TREH: variants seen among roughly 807,000 people sequenced by gnomAD.
TREH encodes the protein alpha,alpha-trehalose glucohydrolase.
Under a neutral mutation model 80.5 loss-of-function variants are expected in TREH, and 69 were observed. The ratio of observed to expected loss-of-function variants is 0.86; its 90% CI spans 0.71 to 1.05. The LOEUF (loss-of-function observed/expected upper bound fraction) is 1.05, where lower values mean the gene tolerates loss of function less well. Ranked by LOEUF, TREH falls within the 50% of genes least tolerant of loss-of-function variation. The pLI is 0.00. For synonymous variants in TREH, 309 were observed against 293.5 expected (o/e 1.05, Z -0.54); for missense variants, 716 against 718.8 (o/e 1.00, Z 0.04).
Position 118,661,866 on chromosome 11 carries a change from G to C in TREH, c.524+24C>G. On this transcript the variant is annotated intron_variant, in intron 5 of 14. Transcript: ENST00000264029. The surrounding 1 kb of genome is among the most constrained non-coding windows in gnomAD (Gnocchi z 4.2). ...CCACTGCCAGTCCTGCAGGCCCCTT[G>C]GTCTCTTGGGCCTGGGCGCTCACCA... The C allele has an allele frequency of 6.4e-7, 1 of 1,563,622 alleles. No homozygotes were observed. Among genetic ancestry groups the C allele is most frequent in the African/African-American group, 1.4e-5 (1 of 73,640 alleles).
intron 4 of TREH, among the ~76,000 whole-genome samples, chr11:118,662,318 C>A (rs1350737804): frequency 6.6e-6 from 1 of 152,206 alleles, no homozygotes; most frequent in Non-Finnish European, 1.5e-5. Context: ...GAGGGGGGTG[C>A]CAGCCCCCCA....
intron 1 of TREH, among the ~76,000 whole-genome samples, 153 bp downstream of exon 1, chr11:118,679,386 T>C (rs1949512002): frequency 6.6e-6 from 1 of 152,178 alleles, no homozygotes; most frequent in Non-Finnish European, 1.5e-5. Context: ...CAGAGCCTGC[T>C]ACATAGGAAT....
chr11:118,658,657 C>T (rs1555144034), intron 14 of TREH, 23 bp downstream of exon 14: 1 of 1,571,274 alleles, frequency 6.4e-7, no homozygotes, highest in South Asian at 1.2e-5. Context: ...TGGTGTTGGC[C>T]AGCCCACCCC....
At chr11:118,677,189 AGGTAGT>A (rs1949488959) in intron 1 of TREH, among the ~76,000 whole-genome samples, 1 of 152,244 alleles carries the variant, frequency 6.6e-6, no homozygotes, top group Non-Finnish European at 1.5e-5. Context: ...TCAGCCACAC[AGGTAGT>A]CCACGCTTTC....
At chr11:118,662,818 C>T (rs1555145214) in intron 4 of TREH, 63 bp downstream of exon 4, 1 of 1,532,376 alleles carries the variant, frequency 6.5e-7, no homozygotes. Context: ...ACTGTGGGCC[C>T]CAGGCACATT....
At position 118,659,776 on chromosome 11, in the gene TREH, C is replaced by T. The variant is rs782261584; in HGVS notation, c.1291G>A (p.Val431Met). 21 of 1,583,562 alleles carry T rather than the reference C, an allele frequency of 1.3e-5. No individual in the cohort carries two copies. In the East Asian group the frequency reaches 1.6e-4, roughly 12 times the overall value. ...AGGTATTTCAGAGCCTTGTCCGCCA[C>T]GCCAGGGTCAGAGAAACACCCGGCC... ...LWAGCFSDPG[V>M]ADKALKYLED... Residue 431 changes from valine (V) to methionine (M), a missense_variant, in exon 11 of 15, where the codon GTG becomes ATG. Coordinates refer to ENST00000264029, the MANE Select transcript of TREH (RefSeq NM_007180.3).
intron 1 of TREH, among the ~76,000 whole-genome samples, chr11:118,677,153 G>A (rs1555146948): frequency 6.6e-6 from 1 of 152,244 alleles, no homozygotes; most frequent in Non-Finnish European, 1.5e-5. Flanking sequence ...GTATCAGTTT[G>A]AACTCTGGAG....
intron 12 of TREH, 93 bp downstream of exon 12, chr11:118,659,277 C>T (rs1243031062): frequency 7.2e-6 from 8 of 1,114,972 alleles, no homozygotes; most frequent in Non-Finnish European, 1.0e-5. Context: ...TACGGGGCCT[C>T]TTGTGTCTTT....
intron 1 of TREH, among the ~76,000 whole-genome samples, chr11:118,666,525 G>C (rs1949379473): frequency 6.6e-6 from 1 of 152,236 alleles, no homozygotes; most frequent in Non-Finnish European, 1.5e-5. Context: ...ATATGATGAT[G>C]AGCTGCACTA....
chr11:118,671,197 G>GC (rs1267391844), intron 1 of TREH, among the ~76,000 whole-genome samples: 3 of 152,142 alleles, frequency 2.0e-5, no homozygotes, highest in Admixed American at 1.3e-4. Flanking sequence ...GGCACAACCT[G>GC]CCCCATCAGA....
rs782368498 is a variant in TREH, at chr11:118,663,170, G to GCTCAGTGAAGGT, written c.205_216dup (p.Thr69_Glu72dup). On this transcript the variant is annotated inframe_insertion, in exon 3 of 15. Transcript: ENST00000264029. Reference sequence around the variant, plus strand: ...ATGCTGTGATTGTGGTCCCTGGACAGCTCAGTGAAGGTCTGCAGGACTTGT... The same window carrying GCTCAGTGAAGGT: ...ATGCTGTGATTGTGGTCCCTGGACAGCTCAGTGAAGGTCTCAGTGAAGGTCTGCAGGACTTGT... The GCTCAGTGAAGGT allele has an allele frequency of 4.3e-6, 7 of 1,612,738 alleles. No individual in the cohort carries two copies. Among genetic ancestry groups the GCTCAGTGAAGGT allele is most frequent in the Non-Finnish European group, 5.9e-6 (7 of 1,179,336 alleles).
intron 4 of TREH, 125 bp from the exon 5 acceptor site, chr11:118,662,115 G>A: frequency 2.8e-6 from 2 of 709,824 alleles, no homozygotes; most frequent in Middle Eastern, 5.8e-4. Flanking sequence ...TTCAGCGCTG[G>A]CTCCACTGCT....
At chr11:118,659,256 G>T in intron 12 of TREH, 114 bp downstream of exon 12, 4 of 941,916 alleles carry the variant, frequency 4.2e-6, no homozygotes, top group South Asian at 1.7e-5. Context: ...GCAGAGGAGC[G>T]AGAGAAAGGA....
chr11:118,669,110 T>C (rs1049610058), intron 1 of TREH, among the ~76,000 whole-genome samples: 1 of 152,184 alleles, frequency 6.6e-6, no homozygotes, highest in Non-Finnish European at 1.5e-5. Flanking sequence ...ATATAATTGA[T>C]CATCAGAGAA....
chr11:118,663,762 C>T (rs1327219173), intron 1 of TREH, among the ~76,000 whole-genome samples: 1 of 152,172 alleles, frequency 6.6e-6, no homozygotes, highest in Non-Finnish European at 1.5e-5. Flanking sequence ...GGCCAATTCT[C>T]TGTACAATGG....
At chr11:118,663,672 G>T (rs781960756) in intron 1 of TREH, among the ~76,000 whole-genome samples, 1 of 152,158 alleles carries the variant, frequency 6.6e-6, no homozygotes, top group Non-Finnish European at 1.5e-5. Context: ...GACTGCCTGA[G>T]CCCACACTGG....
chr11:118,660,452 C>A, intron 10 of TREH, 87 bp downstream of exon 10: 1 of 1,394,176 alleles, frequency 7.2e-7, no homozygotes, highest in Non-Finnish European at 9.7e-7. Context: ...GAAGGCCTGT[C>A]ACACAAGGGT....
At chr11:118,668,302 A>T (rs1356154261) in intron 1 of TREH, among the ~76,000 whole-genome samples, 8 of 152,172 alleles carry the variant, frequency 5.3e-5, no homozygotes, top group Non-Finnish European at 1.2e-4. Context: ...CAAAAAAAAA[A>T]AATAAAACTA....
chr11:118,659,959 C>T lies in TREH; in HGVS notation c.1108G>A (p.Asp370Asn), dbSNP rs1262002716. 2 of 1,551,054 alleles carry T rather than the reference C, an allele frequency of 1.3e-6. No individual in the cohort carries two copies. The highest frequency in any genetic ancestry group is 1.4e-5 in the African/African-American group (1 of 73,052). Residue 370 changes from aspartate (D) to asparagine (N), a missense_variant, in exon 11 of 15, where the codon GAC becomes AAC. Transcript: ENST00000264029. ...MSNFYSRLGN[D>N]SQATKYRILR... ...ATTCTGTACTTCGTGGCCTGGGAGTCGTTCCCTGGGGCAGTGCTGCCTTTA... is the reference window on the plus strand; with the variant it reads ...ATTCTGTACTTCGTGGCCTGGGAGTTGTTCCCTGGGGCAGTGCTGCCTTTA...
Sources: allele counts gnomAD v4.1 joint callset (sites outside exome capture counted in the v4.1 genomes callset), GRCh38; gene constraint gnomAD v4.1.1; non-coding constraint Gnocchi (gnomAD v3.1); transcripts MANE v1.5; gene names NCBI Gene and HGNC (gene_info 2026-07-23, HGNC 2026-07-21).